Variants in TMEFF2 observed in about 807,000 individuals in gnomAD.
The protein encoded by TMEFF2 is transmembrane protein with EGF like and two follistatin like domains 2, also known as tomoregulin-2.
A neutral mutation model predicts 53.8 loss-of-function variants in TMEFF2; 28 were observed. The ratio of observed to expected loss-of-function variants is 0.52; its 90% CI spans 0.39 to 0.71. The LOEUF is 0.71. TMEFF2 is among the 30% of genes least tolerant of loss of function. The pLI is 0.00. For synonymous variants in TMEFF2, 162 were observed against 166.3 expected, an observed-to-expected ratio of 0.97 and a Z score of 0.20; for missense variants, 353 against 455.2, an observed-to-expected ratio of 0.78 and a Z score of 2.04.
chr2:191,979,035 A>G (rs527593285), intron 7 of TMEFF2, among the ~76,000 whole-genome samples: 13 of 152,308 alleles, frequency 8.5e-5, no homozygotes, highest in African/African-American at 2.6e-4. Flanking sequence ...TGGAGGAAAA[A>G]TTCATTTAAT....
chr2:192,097,893 A>G (rs574869579), intron 4 of TMEFF2, among the ~76,000 whole-genome samples: 8 of 152,344 alleles, frequency 5.3e-5, no homozygotes, highest in African/African-American at 1.9e-4. Flanking sequence ...ACACTTGGCC[A>G]AAGTATTATT....
rs557668142 is a variant in TMEFF2 at position 192,009,302 on chromosome 2, C to T, written c.537-10094G>A. Among the ~76,000 whole-genome samples, 6 of 152,146 alleles carry T rather than the reference C, an allele frequency of 3.9e-5. No homozygotes were observed. The South Asian group carries it at 1.2e-3, about 32-fold the overall frequency. On this transcript the variant is annotated intron_variant, in intron 5 of 9. Transcript: ENST00000272771. ...AAGGACAGGTGGTATATGAAAACAA[C>T]AAATCCTCAATTTCACAAGTTTCAA...
At chr2:192,173,618 T>G (rs183800263) in intron 4 of TMEFF2, among the ~76,000 whole-genome samples, 1 of 151,982 alleles carries the variant, frequency 6.6e-6, no homozygotes, top group Admixed American at 6.6e-5. Context: ...TTAAGAATAA[T>G]TATGTACTGT....
intron 5 of TMEFF2, among the ~76,000 whole-genome samples, chr2:192,023,538 A>C (rs1353024518): frequency 6.6e-6 from 1 of 152,148 alleles, no homozygotes; most frequent in Admixed American, 6.6e-5. Flanking sequence ...GTTTGTCCTT[A>C]TGTTCTTCAA....
intron 4 of TMEFF2, among the ~76,000 whole-genome samples, chr2:192,135,868 C>G (rs973650325): frequency 6.6e-6 from 1 of 151,832 alleles, no homozygotes; most frequent in African/African-American, 2.4e-5. Flanking sequence ...TGTGAATTTC[C>G]TTCTCCTGGC....
At chr2:192,007,581 A>G (rs906082787) in intron 5 of TMEFF2, among the ~76,000 whole-genome samples, 7 of 152,308 alleles carry the variant, frequency 4.6e-5, no homozygotes, top group Admixed American at 2.0e-4. Context: ...TTCCCATCCA[A>G]TGTGGCTGAA....
At chr2:192,010,265 C>T (rs533976267) in intron 5 of TMEFF2, among the ~76,000 whole-genome samples, 16 of 152,142 alleles carry the variant, frequency 1.1e-4, no homozygotes, top group Admixed American at 8.5e-4. Context: ...GCAGTATTGC[C>T]GGTGAGTTCT....
intron 4 of TMEFF2, among the ~76,000 whole-genome samples, chr2:192,075,589 G>A (rs1688415033): frequency 6.6e-6 from 1 of 151,554 alleles, no homozygotes; most frequent in Non-Finnish European, 1.5e-5. Flanking sequence ...AAGGCATATA[G>A]AGATTTAATT....
At chr2:192,174,245 C>T (rs1414412487) in intron 4 of TMEFF2, among the ~76,000 whole-genome samples, 1 of 151,724 alleles carries the variant, frequency 6.6e-6, no homozygotes, top group Non-Finnish European at 1.5e-5. Context: ...ATTTCACATT[C>T]TTAAGCAATG....
intron 4 of TMEFF2, among the ~76,000 whole-genome samples, chr2:192,098,582 G>A (rs528649035): frequency 4.5e-4 from 68 of 152,258 alleles, no homozygotes; most frequent in Admixed American, 1.2e-3. Flanking sequence ...TTTATAGCAG[G>A]GCAGCTGAGC....
intron 7 of TMEFF2, among the ~76,000 whole-genome samples, chr2:191,964,310 T>TC (rs1692364475): frequency 6.8e-6 from 1 of 148,074 alleles, no homozygotes; most frequent in Non-Finnish European, 1.5e-5. Context: ...TTTCCTTCTT[T>TC]CTTTCCTTCC....
At chr2:192,150,255 T>A (rs138531048) in intron 4 of TMEFF2, among the ~76,000 whole-genome samples, 11 of 152,034 alleles carry the variant, frequency 7.2e-5, no homozygotes, top group African/African-American at 2.6e-4. Flanking sequence ...ACACAAGAAT[T>A]GTTATTAAAA....
At chr2:192,007,303 C>T (rs1338293460) in intron 5 of TMEFF2, among the ~76,000 whole-genome samples, 2 of 152,114 alleles carry the variant, frequency 1.3e-5, no homozygotes, top group African/African-American at 4.8e-5. Flanking sequence ...AATTAATTTG[C>T]CAAGTAAAAC....
chr2:192,189,371 G>T (rs1261283295), intron 2 of TMEFF2, among the ~76,000 whole-genome samples: 2 of 151,202 alleles, frequency 1.3e-5, no homozygotes, highest in African/African-American at 4.9e-5. Context: ...TGGTGAAACC[G>T]TGTGTCTACT....
At chr2:192,054,299 G>A (rs899904337) in intron 5 of TMEFF2, among the ~76,000 whole-genome samples, 2 of 152,022 alleles carry the variant, frequency 1.3e-5, no homozygotes, top group East Asian at 1.9e-4. Flanking sequence ...TTGTAACCAA[G>A]GCTTGGCTTT....
At chr2:192,170,290 T>C (rs759515073) in intron 4 of TMEFF2, among the ~76,000 whole-genome samples, 3 of 152,100 alleles carry the variant, frequency 2.0e-5, no homozygotes, top group Non-Finnish European at 2.9e-5. Flanking sequence ...CCAAAGGTCA[T>C]ATTTTTCTGC....
At chr2:192,066,058 C>G (rs1688162309) in intron 4 of TMEFF2, among the ~76,000 whole-genome samples, 1 of 151,546 alleles carries the variant, frequency 6.6e-6, no homozygotes, top group South Asian at 2.1e-4. Flanking sequence ...TAAATTTTCC[C>G]TAGAAACCCC....
intron 2 of TMEFF2, among the ~76,000 whole-genome samples, chr2:192,186,117 T>C (rs1195998432): frequency 6.6e-6 from 1 of 152,204 alleles, no homozygotes; most frequent in Non-Finnish European, 1.5e-5. Context: ...TCAGTCTATG[T>C]ATGTGATTAT....
intron 7 of TMEFF2, among the ~76,000 whole-genome samples, chr2:191,956,968 G>A (rs1167386466): frequency 1.3e-5 from 2 of 151,958 alleles, no homozygotes; most frequent in African/African-American, 2.4e-5. Flanking sequence ...ATAAGAAAAC[G>A]TTATTTCAAA....
Sources: allele counts gnomAD v4.1 joint callset (sites outside exome capture counted in the v4.1 genomes callset), GRCh38; gene constraint gnomAD v4.1.1; transcripts MANE v1.5; gene names NCBI Gene and HGNC (gene_info 2026-07-23, HGNC 2026-07-21).